RBFOX3: variants seen among roughly 807,000 people sequenced by gnomAD.
RBFOX3 encodes RNA binding protein fox-1 homolog 3.
A neutral mutation model predicts 48.7 loss-of-function variants in RBFOX3; 17 were observed. The ratio of observed to expected loss-of-function variants is 0.35; its 90% CI spans 0.24 to 0.52. The LOEUF (loss-of-function observed/expected upper bound fraction) is 0.52. RBFOX3 is among the 20% of genes least tolerant of loss of function. The pLI, the probability that RBFOX3 is intolerant of heterozygous loss-of-function variation, is 0.94. For synonymous variants in RBFOX3, 212 were observed against 209.5 expected, an observed-to-expected ratio of 1.01 and a Z score of -0.10; for missense variants, 382 against 497.5, an observed-to-expected ratio of 0.77 and a Z score of 2.21.
chr17:79,622,733 G>A, the RBFOX3 span, among the ~76,000 whole-genome samples: 1 of 152,132 alleles, frequency 6.6e-6, no homozygotes, highest in Non-Finnish European at 1.5e-5. Flanking sequence ...CATTTCACCT[G>A]AATCACCTCT....
At chr17:79,661,132 G>A in the RBFOX3 span, among the ~76,000 whole-genome samples, 1 of 152,132 alleles carries the variant, frequency 6.6e-6, no homozygotes, top group Non-Finnish European at 1.5e-5. Flanking sequence ...TGTTGGGCAG[G>A]GGGAGGGAGA....
intron 2 of RBFOX3, among the ~76,000 whole-genome samples, chr17:79,386,179 A>G (rs141851388): frequency 5.7e-5 from 8 of 141,132 alleles, no homozygotes; most frequent in Non-Finnish European, 1.2e-4. Context: ...CACCTCCTGT[A>G]ACAGATGGGG....
At chr17:79,448,033 T>C (rs1042977201) in intron 2 of RBFOX3, among the ~76,000 whole-genome samples, 3 of 152,204 alleles carry the variant, frequency 2.0e-5, no homozygotes, top group Admixed American at 2.0e-4. Flanking sequence ...CTGCTTCCCC[T>C]TCACCTTCCG....
chr17:79,237,277 C>T (rs2061742174), intron 3 of RBFOX3, among the ~76,000 whole-genome samples: 1 of 152,196 alleles, frequency 6.6e-6, no homozygotes, highest in African/African-American at 2.4e-5. Flanking sequence ...CGTCTTCATC[C>T]ACATCACTGT....
chr17:79,216,551 A>C (rs2059078148), intron 4 of RBFOX3, among the ~76,000 whole-genome samples: 1 of 152,148 alleles, frequency 6.6e-6, no homozygotes, highest in African/African-American at 2.4e-5. Context: ...GGCTGAGCCC[A>C]GTCTCCTGCA....
chr17:79,248,801 G>T (rs75171316), intron 3 of RBFOX3, among the ~76,000 whole-genome samples: 2,495 of 152,306 alleles, frequency 0.016, 76 homozygotes, highest in African/African-American at 0.057. Flanking sequence ...GGCTGGCAGG[G>T]AGTGTTGGGT....
At chr17:79,101,004 C>A (rs2707051) in intron 9 of RBFOX3, among the ~76,000 whole-genome samples, 17,234 of 152,176 alleles carry the variant, frequency 0.11, 1,608 homozygotes, top group African/African-American at 0.24. Context: ...ATCACATCCT[C>A]CGAAATCTGA....
In RBFOX3 at chr17:79,220,041, C is replaced by G. The variant is rs2059532523; in HGVS notation, c.-34+15725G>C. Among the ~76,000 whole-genome samples, 1 of 131,388 alleles carries G rather than the reference C, an allele frequency of 7.6e-6. No individual in the cohort carries two copies. Among genetic ancestry groups the G allele is most frequent in the Non-Finnish European group, 1.6e-5 (1 of 62,016 alleles). The allele number at this position is 131,388 out of a possible 152,430, so 86.2% of individuals were successfully genotyped here. Reference sequence around the variant, plus strand: ...CACCTCCAACCGGCACCCCTGCCTGCTGGGCCCTGGGGGAAGGGTGGCATG... The same window carrying G: ...CACCTCCAACCGGCACCCCTGCCTGGTGGGCCCTGGGGGAAGGGTGGCATG... On this transcript the variant is annotated intron_variant, in intron 4 of 14. Coordinates refer to ENST00000693108, the MANE Select transcript of RBFOX3 (RefSeq NM_001350451.2). This position sits in a 1 kb window ranked among gnomAD's most constrained non-coding sequence, Gnocchi z 5.9.
chr17:79,240,090 T>G (rs183261360), intron 3 of RBFOX3, among the ~76,000 whole-genome samples: 9 of 152,322 alleles, frequency 5.9e-5, no homozygotes, highest in African/African-American at 2.2e-4. Context: ...CAAGGACATG[T>G]GATTCTGTCT....
chr17:79,169,633 G>A (rs552077886), intron 4 of RBFOX3, among the ~76,000 whole-genome samples: 1 of 152,346 alleles, frequency 6.6e-6, no homozygotes, highest in African/African-American at 2.4e-5. Flanking sequence ...GTGGTCCCGT[G>A]GCATGAGGCA....
chr17:79,370,621 G>C (rs1463592844), intron 2 of RBFOX3, among the ~76,000 whole-genome samples: 3 of 119,042 alleles, frequency 2.5e-5, no homozygotes, highest in Non-Finnish European at 5.5e-5. Flanking sequence ...GACATGCACA[G>C]TCACATACAC....
rs1406202294 is a variant in RBFOX3 at position 79,091,897 on chromosome 17, AC to A, written c.1078-1013del. The A allele has an allele frequency of 6.6e-6, 6 of 912,558 alleles. 1 individual carries two copies. Among genetic ancestry groups the A allele is most frequent in the Middle Eastern group, 5.6e-4 (1 of 1,784 alleles). The allele number at this position is 912,558 out of a possible 1,614,324, so 56.5% of individuals were successfully genotyped here. ...AGGAGTCGCAGAGACTGGCGTGACC[AC>A]AGCAGTTTGCACACCACGCGACACG... On this transcript the variant is annotated intron_variant, in intron 14 of 14. Coordinates refer to ENST00000693108, the MANE Select transcript of RBFOX3 (RefSeq NM_001350451.2).
chr17:79,251,099 G>A (rs946428780), intron 3 of RBFOX3, among the ~76,000 whole-genome samples: 4 of 151,966 alleles, frequency 2.6e-5, no homozygotes, highest in African/African-American at 4.8e-5. Flanking sequence ...TGCCGCGCCC[G>A]GCCTATCCCT....
chr17:79,315,690 C>A (rs1306287427), intron 2 of RBFOX3, among the ~76,000 whole-genome samples: 1 of 152,248 alleles, frequency 6.6e-6, no homozygotes, highest in African/African-American at 2.4e-5. Flanking sequence ...TGGTCGACAG[C>A]GACAGTTTCA....
Position 79,139,673 on chromosome 17 carries a change from C to G in RBFOX3, c.-33-23925G>C, listed in dbSNP as rs546931850. ...GTGATGCAGTGGGGGACCAATGGGA[C>G]AATTCTTTCCTACCAGGATCTGCCC... On this transcript the variant is annotated intron_variant, in intron 4 of 14. Coordinates refer to ENST00000693108, the MANE Select transcript of RBFOX3 (RefSeq NM_001350451.2). Among the ~76,000 whole-genome samples the G allele has an allele frequency of 1.2e-3, 185 of 152,258 alleles. 2 individuals carry two copies. The highest frequency in any genetic ancestry group is 4.4e-3 in the African/African-American group (181 of 41,558).
At chr17:79,161,502 G>A (rs2145332079) in intron 4 of RBFOX3, among the ~76,000 whole-genome samples, 1 of 152,296 alleles carries the variant, frequency 6.6e-6, no homozygotes, top group Non-Finnish European at 1.5e-5. Flanking sequence ...ACCCCCTCGG[G>A]GGTGTGTGGA....
intron 2 of RBFOX3, among the ~76,000 whole-genome samples, chr17:79,333,463 A>G (rs1257251061): frequency 6.6e-6 from 1 of 152,112 alleles, no homozygotes; most frequent in Non-Finnish European, 1.5e-5. Flanking sequence ...CCAGAGAAAA[A>G]TGGAGACCGA....
intron 1 of RBFOX3, among the ~76,000 whole-genome samples, chr17:79,607,909 G>C (rs1352969734): frequency 2.0e-5 from 3 of 152,238 alleles, no homozygotes; most frequent in Non-Finnish European, 4.4e-5. Flanking sequence ...AGTTGAGTAA[G>C]TGACAGGCGC....
intron 1 of RBFOX3, among the ~76,000 whole-genome samples, chr17:79,596,065 A>ACTT (rs1352214866): frequency 9.2e-5 from 14 of 152,154 alleles, no homozygotes; most frequent in African/African-American, 3.4e-4. Context: ...CCTTCCTGGT[A>ACTT]CTTTTTCCTC....
Sources: gnomAD v4.1 joint callset for allele counts (sites outside exome capture counted in the v4.1 genomes callset) on GRCh38, gnomAD v4.1.1 for gene constraint, Gnocchi (gnomAD v3.1) non-coding constraint, MANE v1.5 for transcripts, NCBI Gene and HGNC (gene_info 2026-07-23, HGNC 2026-07-21) for gene names.